Variants in CHST15 observed in about 807,000 individuals in gnomAD.
CHST15 encodes the protein B cell RAG associated protein (GALNAC4S-6ST).
CHST15 carries 30 observed loss-of-function variants against 53.6 expected under a neutral mutation model. That is an observed-to-expected ratio of 0.56 (90% CI 0.42 to 0.76). The LOEUF (loss-of-function observed/expected upper bound fraction) is 0.76, where lower values mean the gene tolerates loss of function less well. Ranked by LOEUF, CHST15 falls within the 30% of genes least tolerant of loss-of-function variation. CHST15 has a pLI of 0.00. For missense variants in CHST15, 627 were observed against 740.5 expected, an observed-to-expected ratio of 0.85 and a Z score of 1.78; for synonymous variants, 296 against 289.8, an observed-to-expected ratio of 1.02 and a Z score of -0.22.
chr10:124,053,031 A>C (rs1341485433), intron 1 of CHST15, among the ~76,000 whole-genome samples: 3 of 150,436 alleles, frequency 2.0e-5, no homozygotes, highest in African/African-American at 7.3e-5. Flanking sequence ...AGAGTCTGCC[A>C]AAAAAAAAGA....
At chr10:124,079,429 A>G (rs1819257998) in intron 1 of CHST15, among the ~76,000 whole-genome samples, 1 of 152,242 alleles carries the variant, frequency 6.6e-6, no homozygotes, top group African/African-American at 2.4e-5. Context: ...GCCTGGCATT[A>G]ACACGTCATT....
At chr10:124,020,269 T>C in intron 6 of CHST15, 1 of 985,506 alleles carries the variant, frequency 1.0e-6, no homozygotes, top group Non-Finnish European at 1.2e-6. Flanking sequence ...GACAACTGCC[T>C]AGAGTCACAG....
intron 5 of CHST15, among the ~76,000 whole-genome samples, chr10:124,030,160 A>T (rs934532704): frequency 1.3e-5 from 2 of 152,288 alleles, no homozygotes; most frequent in South Asian, 4.1e-4. Context: ...TCCCTCCTGA[A>T]CAGTCTTCAG....
intron 5 of CHST15, among the ~76,000 whole-genome samples, chr10:124,021,934 G>A (rs1165273092): frequency 6.6e-6 from 1 of 152,108 alleles, no homozygotes; most frequent in Non-Finnish European, 1.5e-5. Context: ...TTTCTAGGTT[G>A]GTAGGGACCT....
chr10:124,069,830 C>T (rs770449180), intron 1 of CHST15, among the ~76,000 whole-genome samples: 10 of 152,176 alleles, frequency 6.6e-5, no homozygotes, highest in South Asian at 4.1e-4. Context: ...AACAGTTCTG[C>T]GCTCCAGGCC....
intron 1 of CHST15, among the ~76,000 whole-genome samples, chr10:124,068,568 T>C (rs925698277): frequency 6.6e-6 from 1 of 152,224 alleles, no homozygotes; most frequent in Non-Finnish European, 1.5e-5. Flanking sequence ...CAGCGTCTCC[T>C]AGAGGGCTGG....
intron 4 of CHST15, 43 bp from the exon 5 acceptor site, chr10:124,038,714 G>T: frequency 6.2e-7 from 1 of 1,603,326 alleles, no homozygotes; most frequent in Non-Finnish European, 8.5e-7. Flanking sequence ...GTGTGATTCA[G>T]GCTCCCACGG....
intron 5 of CHST15, among the ~76,000 whole-genome samples, chr10:124,034,054 G>A (rs1303456535): frequency 2.0e-5 from 3 of 152,188 alleles, no homozygotes; most frequent in Admixed American, 1.3e-4. Flanking sequence ...GAGCCATGAC[G>A]AAGCCGCCGC....
intron 5 of CHST15, among the ~76,000 whole-genome samples, chr10:124,027,957 G>T (rs1234936071): frequency 3.3e-5 from 5 of 152,178 alleles, no homozygotes; most frequent in African/African-American, 1.2e-4. Context: ...ATAGTTTTCG[G>T]GTTTTGTTTG....
intron 1 of CHST15, among the ~76,000 whole-genome samples, chr10:124,073,112 G>A (rs879693916): frequency 9.2e-5 from 14 of 152,142 alleles, no homozygotes; most frequent in South Asian, 2.1e-4. Flanking sequence ...TCCTAGCTAC[G>A]TGCCCAACAG....
intron 3 of CHST15, among the ~76,000 whole-genome samples, chr10:124,043,372 T>C (rs9422262): frequency 0.96 from 145,655 of 152,374 alleles, 69,692 homozygotes; most frequent in East Asian, 1. Context: ...GCTCCTACAG[T>C]GGCGGCTGCT....
intron 6 of CHST15, among the ~76,000 whole-genome samples, chr10:124,018,969 C>A (rs1045592067): frequency 6.6e-6 from 1 of 152,166 alleles, no homozygotes; most frequent in Non-Finnish European, 1.5e-5. Context: ...TCCGCGAGCA[C>A]GTTCCCCGAT....
chr10:124,088,870 C>A (rs1949521881), intron 1 of CHST15, among the ~76,000 whole-genome samples: 1 of 150,696 alleles, frequency 6.6e-6, no homozygotes, highest in Non-Finnish European at 1.5e-5. Flanking sequence ...TAACTAGACA[C>A]CTAGACTGGA....
In CHST15 at chr10:124,021,251, C is replaced by T. The variant is rs1449623184; in HGVS notation, c.1347+5G>A. 6.5e-7 allele frequency: 1 copy of T among 1,548,808 alleles called. No individual in the cohort carries two copies. The highest frequency in any genetic ancestry group is 1.4e-5 in the African/African-American group (1 of 71,432). On this transcript the variant is annotated splice_donor_5th_base_variant and intron_variant, in intron 6 of 7. Transcript: ENST00000435907. ...TCGGGGGGTACGGGGGGGGGGGGTA[C>T]ACACAGGCATGGCGTTGTTGAGGGT...
Position 124,046,038 on chromosome 10 carries a change from C to G in CHST15, c.175G>C (p.Glu59Gln). The change falls in exon 2 of 8, where the codon GAA (glutamate) becomes CAA (glutamine). Residue 59 changes from glutamate (E) to glutamine (Q), a missense_variant. This residue lies in a region of CHST15 where 187 missense variants were observed against 251.8 expected (regional missense o/e 0.74). Coordinates refer to ENST00000435907, the MANE Select transcript of CHST15 (RefSeq NM_001270764.2). ...SKQMNLLAVL[E>Q]VRTEGNENWG... ...TTTTCGTTCCCTTCAGTCCTCACTT[C>G]GAGAACAGCAAGCAAGTTCATCTGC... 1.9e-6 allele frequency: 3 copies of G among 1,614,190 alleles called. No individual in the cohort carries two copies. Among genetic ancestry groups the G allele is most frequent in the Non-Finnish European group, 2.5e-6 (3 of 1,180,046 alleles).
intron 6 of CHST15, among the ~76,000 whole-genome samples, chr10:124,015,944 C>T (rs555843388): frequency 3.3e-5 from 5 of 152,332 alleles, no homozygotes; most frequent in East Asian, 3.9e-4. Flanking sequence ...GCTCTCCAAC[C>T]GGACCCCACA....
chr10:124,035,151 G>GGGGACCCCGGCTCCGCCCCCTAACA (rs1947422577), intron 5 of CHST15, among the ~76,000 whole-genome samples: 2 of 76,816 alleles, frequency 2.6e-5, no homozygotes, highest in Admixed American at 1.6e-4. Context: ...GCCCCCTAAC[G>GGGGACCCCGGCTCCGCCCCCTAACA]GGGACCCCGG....
intron 1 of CHST15, among the ~76,000 whole-genome samples, chr10:124,071,615 T>G (rs1948915074): frequency 6.6e-6 from 1 of 152,182 alleles, no homozygotes; most frequent in African/African-American, 2.4e-5. Context: ...TAATTAAAAA[T>G]TTGCATTTTT....
chr10:124,044,052 GCACAGAGCAGGGGAACAA>G (rs1456210937), intron 3 of CHST15, among the ~76,000 whole-genome samples: 2 of 151,244 alleles, frequency 1.3e-5, no homozygotes, highest in African/African-American at 2.5e-5. Context: ...CCAAGGAACA[GCACAGAGCAGGGGAACAA>G]CACAGAGCAG....
Sources: allele counts gnomAD v4.1 joint callset (sites outside exome capture counted in the v4.1 genomes callset), GRCh38; gene constraint gnomAD v4.1.1; regional missense constraint gnomAD v4.1.1; transcripts MANE v1.5; gene names NCBI Gene and HGNC (gene_info 2026-07-23, HGNC 2026-07-21).